KLRG1: variants seen among roughly 807,000 people sequenced by gnomAD.
KLRG1 encodes killer cell lectin-like receptor subfamily G member 1.
A neutral mutation model predicts 21.8 loss-of-function variants in KLRG1; 16 were observed. The ratio of observed to expected loss-of-function variants is 0.73; its 90% CI spans 0.50 to 1.11. KLRG1 has a LOEUF of 1.11. Ranked by LOEUF, KLRG1 falls within the 50% of genes most tolerant of loss-of-function variation. The pLI is 0.00. For synonymous variants in KLRG1, 69 were observed against 75.9 expected, an observed-to-expected ratio of 0.91 and a Z score of 0.47; for missense variants, 173 against 218.3, an observed-to-expected ratio of 0.79 and a Z score of 1.31.
At position 9,007,746 on chromosome 12, in the gene KLRG1, A is replaced by C. The variant is rs142090801; in HGVS notation, c.358-1229A>C. 7.9e-5 allele frequency among the ~76,000 whole-genome samples: 12 copies of C among 152,346 alleles called. No homozygotes were observed. In the East Asian group the frequency reaches 2.3e-3, roughly 29 times the overall value. On this transcript the variant is annotated intron_variant, in intron 3 of 4. Coordinates refer to ENST00000356986, the MANE Select transcript of KLRG1 (RefSeq NM_005810.4). ...TGGTGGTATCATAATCACCATAGGC[A>C]GTTGAAATTGTATTGCTTTCTTAGT...
the KLRG1 span, among the ~76,000 whole-genome samples, chr12:9,023,233 C>T: frequency 1.3e-5 from 2 of 152,088 alleles, no homozygotes; most frequent in Non-Finnish European, 2.9e-5. Context: ...TAGATAGTAT[C>T]GGAATTGAAT....
chr12:8,984,900 T>A (rs762684274), upstream of KLRG1, among the ~76,000 whole-genome samples: 1 of 152,244 alleles, frequency 6.6e-6, no homozygotes, highest in Non-Finnish European at 1.5e-5. Context: ...AAGAAAAGTT[T>A]TATTGGGGAA....
At chr12:9,136,474 G>T in the KLRG1 span, among the ~76,000 whole-genome samples, 1 of 151,946 alleles carries the variant, frequency 6.6e-6, no homozygotes, top group African/African-American at 2.4e-5. Flanking sequence ...GTAATAAATT[G>T]TTTCTTATCT....
At chr12:8,974,703 T>C (rs1230780380) in intron 1 of KLRG1, among the ~76,000 whole-genome samples, 1 of 152,176 alleles carries the variant, frequency 6.6e-6, no homozygotes, top group African/African-American at 2.4e-5. Flanking sequence ...ATTCTTACAA[T>C]CCAGGGATAA....
At chr12:9,042,015 C>A in the KLRG1 span, among the ~76,000 whole-genome samples, 1 of 152,098 alleles carries the variant, frequency 6.6e-6, no homozygotes, top group Admixed American at 6.5e-5. Context: ...CTAAGAAATT[C>A]TTTGTAAAGG....
chr12:9,159,967 T>C, the KLRG1 span: 97 of 1,613,856 alleles, frequency 6.0e-5, no homozygotes, highest in African/African-American at 1.0e-3. Flanking sequence ...TGCCATATCG[T>C]TCCCCAAAGG....
chr12:9,213,890 T>C, the KLRG1 span, among the ~76,000 whole-genome samples: 1 of 152,082 alleles, frequency 6.6e-6, no homozygotes, highest in Admixed American at 6.5e-5. Context: ...TCATATTTAA[T>C]AAATTATTGC....
chr12:9,111,764 A>G, the KLRG1 span, among the ~76,000 whole-genome samples: 1 of 152,234 alleles, frequency 6.6e-6, no homozygotes, highest in Admixed American at 6.5e-5. Flanking sequence ...TGAGGAACAA[A>G]TTAATTACCC....
chr12:9,069,738 C>G, the KLRG1 span: 1 of 1,608,936 alleles, frequency 6.2e-7, no homozygotes, highest in Non-Finnish European at 8.5e-7. Context: ...ACTGGAAGTT[C>G]TCTTACCTTA....
At chr12:9,197,465 TATA>T in the KLRG1 span, among the ~76,000 whole-genome samples, 1 of 130,846 alleles carries the variant, frequency 7.6e-6, no homozygotes, top group Non-Finnish European at 1.5e-5. Context: ...TATATAATAA[TATA>T]ATATATAATA....
the KLRG1 span, chr12:9,113,255 C>T: frequency 3.3e-6 from 4 of 1,196,744 alleles, no homozygotes; most frequent in Non-Finnish European, 4.7e-6. Context: ...TGGATTCCTT[C>T]CTGCAGTTCT....
the KLRG1 span, chr12:9,164,199 C>T: frequency 2.5e-6 from 4 of 1,609,638 alleles, no homozygotes; most frequent in South Asian, 3.3e-5. Context: ...CAATAGGATT[C>T]TTCTCCCTTT....
At chr12:9,212,918 C>T in the KLRG1 span, among the ~76,000 whole-genome samples, 1 of 152,138 alleles carries the variant, frequency 6.6e-6, no homozygotes, top group Non-Finnish European at 1.5e-5. Flanking sequence ...CCATCACCCC[C>T]AAAAGAAACT....
the KLRG1 span, chr12:9,180,910 G>A: frequency 6.6e-7 from 1 of 1,512,486 alleles, no homozygotes; most frequent in Non-Finnish European, 8.8e-7. Flanking sequence ...ATCTGACAAA[G>A]GGCTAATAGA....
chr12:9,060,732 C>T, the KLRG1 span, among the ~76,000 whole-genome samples: 1 of 152,162 alleles, frequency 6.6e-6, no homozygotes, highest in Non-Finnish European at 1.5e-5. Flanking sequence ...TGGATATCTG[C>T]ATTTTAAAAT....
chr12:8,951,209 A>T (rs758222169), intron 1 of KLRG1, among the ~76,000 whole-genome samples: 36 of 152,266 alleles, frequency 2.4e-4, no homozygotes, highest in African/African-American at 7.9e-4. Context: ...ACTGTGGCTC[A>T]TGCCCGTAAT....
chr12:9,113,687 A>AC, the KLRG1 span: 3 of 749,266 alleles, frequency 4.0e-6, no homozygotes, highest in Non-Finnish European at 6.4e-6. Flanking sequence ...TGGCCGTTGA[A>AC]GGCCATGCAT....
chr12:9,009,019 TC>T lies in KLRG1; in HGVS notation c.403del (p.Leu135Ter). On this transcript the variant is annotated frameshift_variant, in exon 4 of 5. Coordinates refer to ENST00000356986, the MANE Select transcript of KLRG1 (RefSeq NM_005810.4). LOFTEE classifies it high-confidence loss of function. ...TCAGTGAGGCCTTTTGCTGGATTGG[TC>T]TGAGGAACAATTCTGGCTGGAGGTG... is the stretch of plus-strand genomic sequence containing the variant. ...FLSEAFCWIG[L>X]RNNSGWRWED... 1 of 1,613,880 alleles carries T rather than the reference TC, an allele frequency of 6.2e-7. No individual in the cohort carries two copies.
the KLRG1 span, among the ~76,000 whole-genome samples, chr12:9,082,078 T>G: frequency 1.3e-5 from 2 of 152,202 alleles, no homozygotes; most frequent in African/African-American, 4.8e-5. Flanking sequence ...CTCTGTGTAT[T>G]TCATAGAAGT....
Sources: allele counts gnomAD v4.1 joint callset (sites outside exome capture counted in the v4.1 genomes callset), GRCh38; gene constraint gnomAD v4.1.1; transcripts MANE v1.5; gene names NCBI Gene and HGNC (gene_info 2026-07-23, HGNC 2026-07-21).